MTX1: variants seen among roughly 807,000 people sequenced by gnomAD.
MTX1 encodes the protein metaxin 1.
MTX1 carries 20 observed loss-of-function variants against 39.4 expected under a neutral mutation model. The ratio of observed to expected loss-of-function variants is 0.51; its 90% CI spans 0.36 to 0.74. The LOEUF is 0.74. MTX1 is among the 30% of genes least tolerant of loss of function. MTX1 has a pLI of 0.00. For synonymous variants in MTX1, 209 were observed against 198.6 expected (o/e 1.05, Z -0.44); for missense variants, 481 against 485.9 (o/e 0.99, Z 0.10).
At chr1:155,211,899 T>C in intron 3 of MTX1, 1 of 396,860 alleles carries the variant, frequency 2.5e-6, no homozygotes, top group South Asian at 6.6e-5. Flanking sequence ...TTCCCTGCAT[T>C]GGGCGCTGGA....
chr1:155,211,675 G>A (rs994240006), intron 3 of MTX1: 2 of 154,798 alleles, frequency 1.3e-5, no homozygotes, highest in Non-Finnish European at 2.9e-5. Flanking sequence ...GGCCCTGGGC[G>A]TGGGTTCCCT....
intron 6 of MTX1, 150 bp downstream of exon 6, chr1:155,212,920 G>A (rs926348328): frequency 2.1e-6 from 3 of 1,400,208 alleles, no homozygotes; most frequent in Non-Finnish European, 2.9e-6. Context: ...CAGTGTGACT[G>A]TGTGGGGGCC....
In MTX1 at chr1:155,209,257, G is replaced by A. The variant is rs1427425192; in HGVS notation, c.453G>A (p.Ala151=). 5.5e-6 allele frequency: 8 copies of A among 1,448,534 alleles called. No homozygotes were observed. The highest frequency in any genetic ancestry group is 1.5e-5 in the South Asian group (1 of 68,722). 89.7% of individuals were successfully genotyped at this position (1,448,534 alleles called of 1,614,324 possible). The change falls in exon 1 of 8, where the codon GCG becomes GCA. Residue 151 remains alanine (A), a synonymous_variant. Transcript: ENST00000368376. ...VFPGQRVGKM[A]APMELFCWSG... ...CGGGACAGAGGGTGGGCAAGATGGCGGCGCCCATGGAGCTGTTCTGCTGGT... is the reference window on the plus strand; with the variant it reads ...CGGGACAGAGGGTGGGCAAGATGGCAGCGCCCATGGAGCTGTTCTGCTGGT...
intron 3 of MTX1, chr1:155,211,415 T>G (rs1671129753): frequency 6.6e-6 from 1 of 152,610 alleles, no homozygotes; most frequent in African/African-American, 2.4e-5. Context: ...AAGAGATTCT[T>G]ACCCCCATTC....
chr1:155,210,245 G>T, intron 1 of MTX1, 101 bp from the exon 2 acceptor site: 1 of 1,023,416 alleles, frequency 9.8e-7, no homozygotes, highest in Non-Finnish European at 1.5e-6. Context: ...ACTAAGTATA[G>T]GGAATGGCAC....
Position 155,208,710 on chromosome 1 carries a change from C to CCGG in MTX1, c.-95_-94insCGG. The CCGG allele has an allele frequency of 7.7e-7, 1 of 1,300,874 alleles. No individual in the cohort carries two copies. The highest frequency in any genetic ancestry group is 1.0e-6 in the Non-Finnish European group (1 of 983,190). 80.6% of individuals were successfully genotyped at this position (1,300,874 alleles called of 1,614,324 possible). A position where few individuals can be genotyped will look rare whatever the true frequency, so the allele number is the denominator to read the frequency against. ...CCCCTCCCCCACCCAAGCCCCAGCCCGGCCTCCGCTCCGGCCGCCGCCACC... is the reference window on the plus strand; with the variant it reads ...CCCCTCCCCCACCCAAGCCCCAGCCCCGGGGCCTCCGCTCCGGCCGCCGCCACC... On this transcript the variant is annotated 5_prime_UTR_variant, in exon 1 of 8. Coordinates refer to ENST00000368376, the MANE Select transcript of MTX1 (RefSeq NM_002455.5).
At chr1:155,212,962 T>C (rs1210214772) in intron 6 of MTX1, among the ~76,000 whole-genome samples, 192 bp downstream of exon 6, 2 of 121,904 alleles carry the variant, frequency 1.6e-5, no homozygotes, top group African/African-American at 6.2e-5. Context: ...AAGGGTAGGG[T>C]GGGAGGGCAG....
chr1:155,208,738 CCCTG>C lies in MTX1; in HGVS notation c.-66_-63del. The C allele has an allele frequency of 1.4e-6, 2 of 1,423,474 alleles. No individual in the cohort carries two copies. Among genetic ancestry groups the C allele is most frequent in the Non-Finnish European group, 1.8e-6 (2 of 1,084,408 alleles). 88.2% of individuals were successfully genotyped at this position (1,423,474 alleles called of 1,614,324 possible). The stretch of plus-strand genomic sequence containing the variant: ...CCTCCGCTCCGGCCGCCGCCACCGC[CCCTG>C]TTTTGTTTCCATGGCGACAGGCGGC... On this transcript the variant is annotated 5_prime_UTR_variant, in exon 1 of 8. Coordinates refer to ENST00000368376, the MANE Select transcript of MTX1 (RefSeq NM_002455.5).
At chr1:155,210,465 C>T (rs745598881) in intron 2 of MTX1, 50 bp downstream of exon 2, 1 of 1,607,860 alleles carries the variant, frequency 6.2e-7, no homozygotes, top group East Asian at 2.2e-5. Context: ...AGGGGAGAAG[C>T]AAGAAATAGG....
At position 155,208,810 on chromosome 1, in the gene MTX1, G is replaced by C. The variant is rs1292002772; in HGVS notation, c.6G>C (p.Leu2=). The stretch of plus-strand genomic sequence containing the variant: ...CATAACGCGCTGTGGAAAACATGCT[G>C]CTCGGGGGACCCCCCCGCAGTCCCC... M[L]LGGPPRSPRS... is the part of the protein sequence containing the mutation. The change falls in exon 1 of 8, where the codon CTG becomes CTC. Residue 2 remains leucine (L), a synonymous_variant. Coordinates refer to ENST00000368376, the MANE Select transcript of MTX1 (RefSeq NM_002455.5). 1.3e-6 allele frequency: 2 copies of C among 1,554,032 alleles called. No homozygotes were observed. The highest frequency in any genetic ancestry group is 1.7e-6 in the Non-Finnish European group (2 of 1,147,914).
Position 155,208,714 on chromosome 1 carries a change from CTCCGCTCCG to C in MTX1, c.-90_-82del. 7.5e-7 allele frequency: 1 copy of C among 1,327,160 alleles called. No individual in the cohort carries two copies. Among genetic ancestry groups the C allele is most frequent in the Non-Finnish European group, 9.9e-7 (1 of 1,007,044 alleles). The allele number at this position is 1,327,160 out of a possible 1,614,324, so 82.2% of individuals were successfully genotyped here. ...TCCCCCACCCAAGCCCCAGCCCGGC[CTCCGCTCCG>C]GCCGCCGCCACCGCCCCTGTTTTGT... On this transcript the variant is annotated 5_prime_UTR_variant, in exon 1 of 8. Coordinates refer to ENST00000368376, the MANE Select transcript of MTX1 (RefSeq NM_002455.5).
At position 155,209,124 on chromosome 1, in the gene MTX1, T is replaced by A. The variant is rs1407469656; in HGVS notation, c.320T>A (p.Leu107His). ...SSAASRARRS[L>H]ASPGISPGPL... Reference sequence around the variant, plus strand: ...GCTGCCAGTCGGGCCAGAAGAAGCCTCGCCTCCCCGGGGATCTCCCCAGGC... The same window carrying A: ...GCTGCCAGTCGGGCCAGAAGAAGCCACGCCTCCCCGGGGATCTCCCCAGGC... The change falls in exon 1 of 8, where the codon CTC becomes CAC. Residue 107 changes from leucine (L) to histidine (H), a missense_variant. Leu to His is a moderately conservative substitution (Grantham distance 99). Coordinates refer to ENST00000368376, the MANE Select transcript of MTX1 (RefSeq NM_002455.5). 1 of 1,541,690 alleles carries A rather than the reference T, an allele frequency of 6.5e-7. No homozygotes were observed. Among genetic ancestry groups the A allele is most frequent in the Admixed American group, 2.0e-5 (1 of 50,494 alleles).
chr1:155,211,648 G>C (rs906048788), intron 3 of MTX1: 7 of 154,890 alleles, frequency 4.5e-5, no homozygotes, highest in Admixed American at 4.5e-4. Context: ...GCTGGGCACT[G>C]AGGGAACAAG....
chr1:155,210,713 G>A (rs1671104565), intron 3 of MTX1, 86 bp downstream of exon 3: 1 of 1,276,014 alleles, frequency 7.8e-7, no homozygotes, highest in Admixed American at 1.7e-5. Flanking sequence ...CCAGATATAT[G>A]CCATGCTAGA....
rs1333054099 is a variant in MTX1 at position 155,212,868 on chromosome 1, C to T, written c.1031+98C>T. On this transcript the variant is annotated intron_variant, in intron 6 of 7. Transcript: ENST00000368376. ...GGGCTGGGGCTGGGGCTGGCTCAGG[C>T]TCTGGATAGGAGGTCCCTGGGATAG... The T allele has an allele frequency of 7.3e-6, 11 of 1,502,068 alleles. No individual in the cohort carries two copies. The African/African-American group carries it at 1.5e-4, about 21-fold the overall frequency. 93.0% of individuals were successfully genotyped at this position (1,502,068 alleles called of 1,614,324 possible).
chr1:155,210,155 C>T (rs951632747), intron 1 of MTX1, among the ~76,000 whole-genome samples, 191 bp from the exon 2 acceptor site: 9 of 152,134 alleles, frequency 5.9e-5, no homozygotes, highest in Non-Finnish European at 1.0e-4. Context: ...CAGACATGTC[C>T]GGAATCTCTC....
At chr1:155,210,512 A>G (rs1571947675) in intron 2 of MTX1, 36 bp from the exon 3 acceptor site, 1 of 1,610,348 alleles carries the variant, frequency 6.2e-7, no homozygotes. Flanking sequence ...CTAGGCAGCT[A>G]AGGGTCTGGT....
Position 155,212,215 on chromosome 1 carries a change from T to G in MTX1, c.767T>G (p.Val256Gly). ...MSLLEEKLLP[V>G]LVHTFWIDTK... ...CTCCTGGAGGAGAAGTTGCTCCCGG[T>G]GCTGGTGAGTGTGCCCAGACCTCCC... The change falls in exon 4 of 8, where the codon GTG becomes GGG. Residue 256 changes from valine to glycine, a missense_variant. Physicochemically the swap from Val to Gly is moderately radical, Grantham distance 109. Coordinates refer to ENST00000368376, the MANE Select transcript of MTX1 (RefSeq NM_002455.5). 6.2e-7 allele frequency: 1 copy of G among 1,609,722 alleles called. No individual in the cohort carries two copies. The highest frequency in any genetic ancestry group is 8.5e-7 in the Non-Finnish European group (1 of 1,177,544).
In MTX1 at chr1:155,210,316, CCTCT is replaced by C. The variant is rs1557888934; in HGVS notation, c.529-27_529-24del. 3.8e-6 allele frequency: 6 copies of C among 1,597,484 alleles called. 1 individual carries two copies. Among genetic ancestry groups the C allele is most frequent in the Non-Finnish European group, 4.3e-6 (5 of 1,165,044 alleles). The stretch of plus-strand genomic sequence containing the variant: ...TACCACTGTGGGGGACATGGCTCTG[CCTCT>C]CTGACTTCTGCTTCCTTCCCTGCAG... On this transcript the variant is annotated intron_variant, in intron 1 of 7. Coordinates refer to ENST00000368376, the MANE Select transcript of MTX1 (RefSeq NM_002455.5).
Sources: gnomAD v4.1 joint callset for allele counts (sites outside exome capture counted in the v4.1 genomes callset) on GRCh38, gnomAD v4.1.1 for gene constraint, MANE v1.5 for transcripts, NCBI Gene and HGNC (gene_info 2026-07-23, HGNC 2026-07-21) for gene names.